Variants in RAB3GAP2 observed in about 807,000 individuals in gnomAD.
The protein encoded by RAB3GAP2 is RAB3 GTPase activating non-catalytic protein subunit 2, also known as rab3 GTPase-activating protein non-catalytic subunit.
RAB3GAP2 carries 87 observed loss-of-function variants against 185.3 expected under a neutral mutation model. The observed-to-expected ratio is 0.47, with a 90% confidence interval of 0.39 to 0.56. The LOEUF (loss-of-function observed/expected upper bound fraction) is 0.56. Ranked by LOEUF, RAB3GAP2 falls within the 20% of genes least tolerant of loss-of-function variation. RAB3GAP2 has a pLI of 0.00. For synonymous variants in RAB3GAP2, 554 were observed against 576.1 expected (o/e 0.96, Z 0.55); for missense variants, 1,492 against 1,638.2 (o/e 0.91, Z 1.54).
intron 1 of RAB3GAP2, among the ~76,000 whole-genome samples, chr1:220,258,255 T>C (rs772454739): frequency 3.3e-5 from 5 of 152,242 alleles, no homozygotes; most frequent in East Asian, 3.9e-4. Flanking sequence ...ATCATCTTGA[T>C]ACCAAAACCC....
chr1:220,264,024 CCCA>C (rs1373058507), intron 1 of RAB3GAP2, among the ~76,000 whole-genome samples: 1 of 151,602 alleles, frequency 6.6e-6, no homozygotes, highest in African/African-American at 2.4e-5. Flanking sequence ...GGAAATGATA[CCCA>C]CCGACATCCA....
chr1:220,186,483 T>A (rs1335762607), intron 17 of RAB3GAP2, among the ~76,000 whole-genome samples: 2 of 152,166 alleles, frequency 1.3e-5, no homozygotes, highest in Non-Finnish European at 2.9e-5. Context: ...TGGCTCAAGA[T>A]GTTGGTCAGG....
At chr1:220,151,427 T>C in intron 34 of RAB3GAP2, 21 bp from the exon 35 acceptor site, 1 of 1,614,060 alleles carries the variant, frequency 6.2e-7, no homozygotes, top group South Asian at 1.1e-5. Context: ...GACACAAAAA[T>C]AACCTATTAT....
intron 33 of RAB3GAP2, 47 bp from the exon 34 acceptor site, chr1:220,151,811 T>C (rs371542209): frequency 3.7e-5 from 57 of 1,540,456 alleles, no homozygotes; most frequent in Non-Finnish European, 2.9e-5. Flanking sequence ...GTGAGCAGAT[T>C]TGTTTATTCT....
At chr1:220,228,114 C>T (rs1336314079) in intron 2 of RAB3GAP2, among the ~76,000 whole-genome samples, 2 of 152,122 alleles carry the variant, frequency 1.3e-5, no homozygotes, top group African/African-American at 4.8e-5. Context: ...CAAGACATTC[C>T]ACTTCTTCCA....
chr1:220,201,798 T>C (rs12026681), intron 9 of RAB3GAP2, among the ~76,000 whole-genome samples: 73,127 of 151,934 alleles, frequency 0.48, 19,593 homozygotes, highest in African/African-American at 0.72. Flanking sequence ...TCATGCCCAG[T>C]TTTAAAGATA....
At chr1:220,153,494 CT>C in intron 32 of RAB3GAP2, 88 bp from the exon 33 acceptor site, 2 of 1,181,590 alleles carry the variant, frequency 1.7e-6, no homozygotes, top group Non-Finnish European at 2.5e-6. Flanking sequence ...TTTTCTGTCA[CT>C]TATAGTGGCT....
intron 2 of RAB3GAP2, among the ~76,000 whole-genome samples, chr1:220,227,661 G>A (rs1450131585): frequency 6.6e-6 from 1 of 152,126 alleles, no homozygotes; most frequent in South Asian, 2.1e-4. Flanking sequence ...CGTAACACCC[G>A]ACTAATGCAG....
intron 2 of RAB3GAP2, among the ~76,000 whole-genome samples, chr1:220,218,157 C>T (rs943660169): frequency 1.3e-5 from 2 of 152,088 alleles, no homozygotes; most frequent in East Asian, 1.9e-4. Context: ...ATTTTTATTC[C>T]GGTTTCATCC....
chr1:220,193,014 G>A (rs1658653352), intron 13 of RAB3GAP2, among the ~76,000 whole-genome samples: 2 of 152,162 alleles, frequency 1.3e-5, no homozygotes, highest in African/African-American at 2.4e-5. Context: ...GAAAGAAAGT[G>A]CAAAAGGCAA....
At chr1:220,262,412 A>G (rs1558175195) in intron 1 of RAB3GAP2, among the ~76,000 whole-genome samples, 1 of 152,218 alleles carries the variant, frequency 6.6e-6, no homozygotes, top group Non-Finnish European at 1.5e-5. Context: ...TGTTGTGAAA[A>G]AAAAAGATCT....
At chr1:220,267,170 T>C in intron 1 of RAB3GAP2, 1 of 1,091,172 alleles carries the variant, frequency 9.2e-7, no homozygotes, top group Non-Finnish European at 1.4e-6. Context: ...ATAACTGTTT[T>C]TGAATGACAG....
intron 1 of RAB3GAP2, chr1:220,267,420 T>C: frequency 1.5e-6 from 2 of 1,343,236 alleles, no homozygotes; most frequent in Non-Finnish European, 2.1e-6. Context: ...CCAGCTGAGC[T>C]TTAAATAACA....
At chr1:220,242,027 T>C (rs1659705721) in intron 1 of RAB3GAP2, among the ~76,000 whole-genome samples, 1 of 152,146 alleles carries the variant, frequency 6.6e-6, no homozygotes, top group African/African-American at 2.4e-5. Flanking sequence ...TTCCTTAACC[T>C]ACTCTACTAT....
chr1:220,172,423 AT>A (rs1026335886), intron 22 of RAB3GAP2, among the ~76,000 whole-genome samples: 40 of 152,268 alleles, frequency 2.6e-4, no homozygotes, highest in East Asian at 2.3e-3. Flanking sequence ...AAATCATGTT[AT>A]TTTTTTATGA....
intron 1 of RAB3GAP2, among the ~76,000 whole-genome samples, chr1:220,268,683 T>C (rs1660277362): frequency 6.6e-6 from 1 of 152,222 alleles, no homozygotes. Context: ...GAACTGATCA[T>C]AGCCACAATA....
rs540080385 is a variant in RAB3GAP2 at position 220,254,519 on chromosome 1, A to C, written c.115+17704T>G. The C allele has an allele frequency of 2.8e-5, 45 of 1,613,396 alleles. No homozygotes were observed. The African/African-American group carries it at 4.5e-4, about 16-fold the overall frequency. On this transcript the variant is annotated intron_variant, in intron 1 of 34. Transcript: ENST00000358951. ...AGCGATTATGAAGTGGCTCCTCCTG[A>C]GTACCATCGGAAAGCTGTGTGAGAG...
rs1658188136 is a variant in RAB3GAP2 at position 220,172,036 on chromosome 1, C to T, written c.2430G>A (p.Glu810=). The T allele has an allele frequency of 6.2e-7, 1 of 1,614,126 alleles. No homozygotes were observed. Among genetic ancestry groups the T allele is most frequent in the Admixed American group, 1.7e-5 (1 of 60,010 alleles). Residue 810 remains glutamate (E), a synonymous_variant, in exon 23 of 35, where the codon GAG becomes GAA. Coordinates refer to ENST00000358951, the MANE Select transcript of RAB3GAP2 (RefSeq NM_012414.4). ...LLSKMKVAID[E]TWDSQSVSPW... ...GGGACACAGACTGAGAATCCCAGGT[C>T]TCATCGATGGCCACTATAGGGATAG...
In RAB3GAP2 at chr1:220,191,101, C is replaced by G; in HGVS notation, c.1454G>C (p.Arg485Thr). Residue 485 changes from arginine to threonine, a missense_variant, in exon 14 of 35, where the codon AGA becomes ACA. Coordinates refer to ENST00000358951, the MANE Select transcript of RAB3GAP2 (RefSeq NM_012414.4). The stretch of plus-strand genomic sequence containing the variant: ...CTTCCCCACATTGAAAGCTCCTACT[C>G]TAGGTCCCTGCTGTGTGCTCCACAC... ...LEVWSTQQGP[R>T]VGAFNVGKHC... 6.2e-7 allele frequency: 1 copy of G among 1,614,032 alleles called. No homozygotes were observed. Among genetic ancestry groups the G allele is most frequent in the Non-Finnish European group, 8.5e-7 (1 of 1,179,966 alleles).
Sources: allele counts gnomAD v4.1 joint callset (sites outside exome capture counted in the v4.1 genomes callset), GRCh38; gene constraint gnomAD v4.1.1; transcripts MANE v1.5; gene names NCBI Gene and HGNC (gene_info 2026-07-23, HGNC 2026-07-21).